Variants in SLC35F4 observed in about 807,000 individuals in gnomAD.
SLC35F4 encodes the protein solute carrier family 35 member F4.
SLC35F4 carries 24 observed loss-of-function variants against 44.2 expected under a neutral mutation model. The observed-to-expected ratio is 0.54, with a 90% CI of 0.39 to 0.76. The LOEUF (loss-of-function observed/expected upper bound fraction) is 0.76, where lower values mean the gene tolerates loss of function less well. Among genes scored for constraint, SLC35F4 ranks in the 30% least tolerant of loss-of-function variants. The probability of loss-of-function intolerance (pLI) is 0.00; values close to 1 mark genes in which losing one functional copy is unlikely to be tolerated. For missense variants in SLC35F4, 562 were observed against 586.1 expected (o/e 0.96, Z 0.42); for synonymous variants, 238 against 223.6 (o/e 1.06, Z -0.57).
chr14:57,671,290 C>T (rs960931637), intron 1 of SLC35F4, among the ~76,000 whole-genome samples: 1 of 151,956 alleles, frequency 6.6e-6, no homozygotes, highest in African/African-American at 2.4e-5. Context: ...GGCATCACCC[C>T]TCCCTTAACC....
intron 1 of SLC35F4, among the ~76,000 whole-genome samples, chr14:57,705,101 G>C (rs778127358): frequency 9.2e-5 from 14 of 152,166 alleles, no homozygotes; most frequent in Non-Finnish European, 1.8e-4. Flanking sequence ...AAATTGTTCT[G>C]AGAATCAAAT....
At chr14:57,896,012 A>G (rs1421875572) in intron 1 of SLC35F4, among the ~76,000 whole-genome samples, 1 of 152,152 alleles carries the variant, frequency 6.6e-6, no homozygotes, top group Non-Finnish European at 1.5e-5. Context: ...CAATAAATGT[A>G]TGTCAAATTA....
chr14:57,616,139 G>C (rs1233507680), intron 1 of SLC35F4, among the ~76,000 whole-genome samples: 1 of 152,162 alleles, frequency 6.6e-6, no homozygotes, highest in African/African-American at 2.4e-5. Flanking sequence ...TCATATGGTT[G>C]TTCAACCATT....
intron 1 of SLC35F4, among the ~76,000 whole-genome samples, chr14:57,661,982 A>G (rs2074152982): frequency 6.6e-6 from 1 of 152,170 alleles, no homozygotes; most frequent in Admixed American, 6.5e-5. Flanking sequence ...GAATGGTGAG[A>G]CCTGTGGTGA....
chr14:57,888,238 T>C (rs1888692498), intron 1 of SLC35F4, among the ~76,000 whole-genome samples: 1 of 152,148 alleles, frequency 6.6e-6, no homozygotes, highest in African/African-American at 2.4e-5. Flanking sequence ...TCTTAATTAT[T>C]TCCCCCTCAG....
chr14:57,961,456 C>T (rs555389289), intron 1 of SLC35F4, among the ~76,000 whole-genome samples: 37 of 152,242 alleles, frequency 2.4e-4, no homozygotes, highest in African/African-American at 6.7e-4. Context: ...AGTCACACTC[C>T]TTAGGTCTTT....
intron 1 of SLC35F4, among the ~76,000 whole-genome samples, chr14:57,667,713 T>G (rs1016755425): frequency 1.3e-4 from 20 of 151,834 alleles, no homozygotes; most frequent in Non-Finnish European, 2.6e-4. Context: ...ATGTGCCACA[T>G]TTTCTTAATC....
intron 1 of SLC35F4, among the ~76,000 whole-genome samples, chr14:57,819,591 G>A (rs1225342004): frequency 6.6e-6 from 1 of 151,684 alleles, no homozygotes; most frequent in Non-Finnish European, 1.5e-5. Flanking sequence ...AGATCACAAG[G>A]TCGGGAGTTT....
At chr14:57,829,298 G>C (rs923727318) in intron 1 of SLC35F4, among the ~76,000 whole-genome samples, 3 of 152,190 alleles carry the variant, frequency 2.0e-5, no homozygotes, top group Admixed American at 6.5e-5. Context: ...TCTGGCAGGA[G>C]AGAGAATGCC....
chr14:57,654,744 G>A (rs1237823380), intron 1 of SLC35F4, among the ~76,000 whole-genome samples: 1 of 152,138 alleles, frequency 6.6e-6, no homozygotes, highest in African/African-American at 2.4e-5. Flanking sequence ...ACATCCATGA[G>A]CATGGCCTTA....
intron 1 of SLC35F4, among the ~76,000 whole-genome samples, chr14:57,969,309 T>C (rs1880981841): frequency 6.6e-6 from 1 of 152,250 alleles, no homozygotes. Flanking sequence ...GAACTGCATG[T>C]TTATTTTAGA....
chr14:57,647,263 C>T (rs2073570530), intron 1 of SLC35F4, among the ~76,000 whole-genome samples: 1 of 151,782 alleles, frequency 6.6e-6, no homozygotes, highest in African/African-American at 2.4e-5. Context: ...GTCTAAGTCT[C>T]TTTGTAGGTC....
chr14:57,623,536 C>G (rs1215276670), intron 1 of SLC35F4, among the ~76,000 whole-genome samples: 1 of 152,154 alleles, frequency 6.6e-6, no homozygotes. Context: ...TGCACTTATT[C>G]TAAAATTGAC....
At chr14:57,572,481 G>T (rs1050899221) in intron 4 of SLC35F4, among the ~76,000 whole-genome samples, 2 of 152,046 alleles carry the variant, frequency 1.3e-5, no homozygotes, top group African/African-American at 4.8e-5. Context: ...ATCAGGACCT[G>T]ATTAGAGAAG....
intron 1 of SLC35F4, among the ~76,000 whole-genome samples, chr14:57,741,496 G>C (rs984544567): frequency 5.5e-4 from 84 of 152,046 alleles, no homozygotes; most frequent in Non-Finnish European, 7.8e-4. Flanking sequence ...ATCAGTGATG[G>C]AAGATCAAAT....
At chr14:57,772,197 G>A (rs1158907501) in intron 1 of SLC35F4, among the ~76,000 whole-genome samples, 6 of 152,144 alleles carry the variant, frequency 3.9e-5, no homozygotes, top group South Asian at 2.1e-4. Flanking sequence ...AGCCGAAGAG[G>A]AGAAATTTTG....
At chr14:57,905,693 G>A (rs1051404905) in intron 1 of SLC35F4, among the ~76,000 whole-genome samples, 3 of 152,162 alleles carry the variant, frequency 2.0e-5, no homozygotes, top group African/African-American at 7.2e-5. Context: ...ATGAGGGAGG[G>A]TTTTCTAGCC....
At chr14:57,772,781 T>C (rs1412476518) in intron 1 of SLC35F4, among the ~76,000 whole-genome samples, 1 of 152,240 alleles carries the variant, frequency 6.6e-6, no homozygotes, top group African/African-American at 2.4e-5. Flanking sequence ...GTTGCTTCCA[T>C]GACTTTCATA....
chr14:57,736,356 A>G (rs1477981318), intron 1 of SLC35F4, among the ~76,000 whole-genome samples: 2 of 152,218 alleles, frequency 1.3e-5, no homozygotes, highest in African/African-American at 2.4e-5. Context: ...CACAAGTGGG[A>G]AGAATAATCC....
Sources: allele counts gnomAD v4.1 joint callset (sites outside exome capture counted in the v4.1 genomes callset), GRCh38; gene constraint gnomAD v4.1.1; transcripts MANE v1.5; gene names NCBI Gene and HGNC (gene_info 2026-07-23, HGNC 2026-07-21).